Variants in SLC35A3 observed in about 807,000 individuals in gnomAD.
SLC35A3 encodes UDP-N-acetylglucosamine transporter.
In SLC35A3, 26 loss-of-function variants were observed where a neutral mutation model predicts 39.0. The observed-to-expected ratio is 0.67, with a 90% CI of 0.49 to 0.92. SLC35A3 has a LOEUF of 0.92. Ranked by LOEUF, SLC35A3 falls within the 40% of genes least tolerant of loss-of-function variation. The pLI is 0.00. For synonymous variants in SLC35A3, 135 were observed against 133.1 expected, an observed-to-expected ratio of 1.01 and a Z score of -0.10; for missense variants, 299 against 371.6, an observed-to-expected ratio of 0.80 and a Z score of 1.61.
At chr1:99,989,875 C>T (rs991355396) in intron 1 of SLC35A3, among the ~76,000 whole-genome samples, 1 of 152,126 alleles carries the variant, frequency 6.6e-6, no homozygotes, top group Admixed American at 6.5e-5. Context: ...AATTGATCCT[C>T]CTGCCTCAGC....
rs574333514 is a variant in SLC35A3, at chr1:100,007,039, G to C, written c.348G>C (p.Thr116=). Reference sequence around the variant, plus strand: ...ATTACTGTTTTCTTTTTCAGGTCACGTATCAGTTAAAAATTCTTACAACAG... The same window carrying C: ...ATTACTGTTTTCTTTTTCAGGTCACCTATCAGTTAAAAATTCTTACAACAG... ...SNLDAATYQV[T]YQLKILTTAL... is the part of the protein sequence containing the mutation. Residue 116 remains threonine, a synonymous_variant, in exon 4 of 8, where the codon ACG becomes ACC. Transcript: ENST00000533028. 2 of 1,604,276 alleles carry C rather than the reference G, an allele frequency of 1.2e-6. No homozygotes were observed. The highest frequency in any genetic ancestry group is 1.1e-5 in the South Asian group (1 of 88,372).
At chr1:99,970,529 A>G (rs774843009) in intron 1 of SLC35A3, 88 of 1,533,932 alleles carry the variant, frequency 5.7e-5, no homozygotes, top group Non-Finnish European at 7.1e-5. Flanking sequence ...TCCTTCAGTG[A>G]ACATCCCATG....
chr1:99,992,756 A>G (rs1658162498), intron 1 of SLC35A3, among the ~76,000 whole-genome samples: 2 of 151,174 alleles, frequency 1.3e-5, no homozygotes, highest in South Asian at 4.2e-4. Context: ...TTGGTATAAT[A>G]AATATACTTA....
At chr1:100,010,553 T>G (rs1342246438) in intron 4 of SLC35A3, among the ~76,000 whole-genome samples, 1 of 151,800 alleles carries the variant, frequency 6.6e-6, no homozygotes, top group Non-Finnish European at 1.5e-5. Context: ...ATTAGCTGGG[T>G]GTGGTTGTGT....
chr1:100,006,443 A>G (rs746731814), intron 3 of SLC35A3, among the ~76,000 whole-genome samples: 2 of 152,094 alleles, frequency 1.3e-5, no homozygotes, highest in Non-Finnish European at 2.9e-5. Flanking sequence ...TTGGTTCCCC[A>G]AGCAGTGTAC....
chr1:100,003,620 C>T (rs1658991302), intron 3 of SLC35A3, among the ~76,000 whole-genome samples: 1 of 152,038 alleles, frequency 6.6e-6, no homozygotes, highest in Admixed American at 6.6e-5. Context: ...TTGTGAATGT[C>T]TGGGAGTTCC....
At chr1:99,981,078 T>G (rs1487471734) in intron 1 of SLC35A3, among the ~76,000 whole-genome samples, 2 of 152,216 alleles carry the variant, frequency 1.3e-5, no homozygotes, top group Non-Finnish European at 2.9e-5. Context: ...TAGGTTATAG[T>G]TTTAAAGTTT....
intron 3 of SLC35A3, among the ~76,000 whole-genome samples, chr1:100,005,056 C>T (rs1659120647): frequency 6.6e-6 from 1 of 152,202 alleles, no homozygotes; most frequent in Non-Finnish European, 1.5e-5. Context: ...CACGCCCAGC[C>T]TGCATTCATT....
intron 1 of SLC35A3, among the ~76,000 whole-genome samples, chr1:99,991,562 T>A (rs1658086043): frequency 6.6e-6 from 1 of 152,236 alleles, no homozygotes; most frequent in South Asian, 2.1e-4. Flanking sequence ...TATTTCCATA[T>A]GATTTTAAAA....
chr1:99,994,653 T>C (rs1658279123), intron 2 of SLC35A3, among the ~76,000 whole-genome samples: 1 of 152,220 alleles, frequency 6.6e-6, no homozygotes, highest in African/African-American at 2.4e-5. Flanking sequence ...CATTCTATTG[T>C]ATGGACGTAA....
chr1:99,988,475 A>G (rs1657877751), intron 1 of SLC35A3, among the ~76,000 whole-genome samples: 1 of 152,170 alleles, frequency 6.6e-6, no homozygotes, highest in South Asian at 2.1e-4. Flanking sequence ...TTACAAATAA[A>G]TCTCTTATAA....
intron 6 of SLC35A3, among the ~76,000 whole-genome samples, chr1:100,016,134 G>C (rs1353273034): frequency 1.4e-5 from 2 of 144,458 alleles, no homozygotes; most frequent in African/African-American, 2.6e-5. Flanking sequence ...GTACGATCTC[G>C]TCTCACTGTA....
At chr1:99,999,725 C>T (rs1338332299) in intron 3 of SLC35A3, among the ~76,000 whole-genome samples, 2 of 152,022 alleles carry the variant, frequency 1.3e-5, no homozygotes, top group Non-Finnish European at 2.9e-5. Context: ...ACCAATCTTT[C>T]TTTATTCCTC....
rs150949381 is a variant in SLC35A3, at chr1:99,995,856, G to C, written c.187+2115G>C. ...ATTTAGATATCAGATTCCACAGAAG[G>C]AATCAGCAAAAGAAGACAGAAGCAA... On this transcript the variant is annotated intron_variant, in intron 2 of 7. Transcript: ENST00000533028. Among the ~76,000 whole-genome samples the C allele has an allele frequency of 9.1e-4, 139 of 152,316 alleles. 5 individuals are homozygous for C. The East Asian group carries it at 0.025, about 27-fold the overall frequency.
At chr1:100,003,106 T>C (rs765798149) in intron 3 of SLC35A3, among the ~76,000 whole-genome samples, 12 of 152,010 alleles carry the variant, frequency 7.9e-5, no homozygotes, top group Non-Finnish European at 1.2e-4. Context: ...TGTGTTTCAA[T>C]TTATATTTGT....
At chr1:99,974,220 T>C (rs772508174) in intron 1 of SLC35A3, among the ~76,000 whole-genome samples, 57 of 152,208 alleles carry the variant, frequency 3.7e-4, no homozygotes, top group Non-Finnish European at 2.8e-4. Context: ...TAGTATTTTC[T>C]ATCATGAGTA....
rs1660993433 is a variant in SLC35A3 at position 100,027,643 on chromosome 1, C to T, written c.*5167C>T. On this transcript the variant is annotated 3_prime_UTR_variant, in exon 8 of 8. Transcript: ENST00000533028. The stretch of plus-strand genomic sequence containing the variant: ...CTTCATAATTTGAATATAATTGCTT[C>T]CATTGTGACTGTCAATTGAATGCAT... 2 of 152,578 alleles carry T rather than the reference C, an allele frequency of 1.3e-5. No homozygotes were observed. Among genetic ancestry groups the T allele is most frequent in the African/African-American group, 4.8e-5 (2 of 41,434 alleles). 9.5% of individuals were successfully genotyped at this position (152,578 alleles called of 1,614,324 possible).
chr1:100,016,615 C>T (rs1418549344), intron 6 of SLC35A3, among the ~76,000 whole-genome samples: 4 of 151,896 alleles, frequency 2.6e-5, no homozygotes, highest in Admixed American at 6.6e-5. Flanking sequence ...CCTTGTGATC[C>T]GCCCACCTCG....
Position 100,023,543 on chromosome 1 carries a change from T to C in SLC35A3, c.*1067T>C, listed in dbSNP as rs1351472487. On this transcript the variant is annotated 3_prime_UTR_variant, in exon 8 of 8. Coordinates refer to ENST00000533028, the MANE Select transcript of SLC35A3 (RefSeq NM_012243.3). Reference sequence around the variant, plus strand: ...ATGTCAGTGACAGAACAAAATGACTTTTCTTGGAGACATTCCAGATTGCCA... The same window carrying C: ...ATGTCAGTGACAGAACAAAATGACTCTTCTTGGAGACATTCCAGATTGCCA... 1 of 152,230 alleles carries C rather than the reference T, an allele frequency of 6.6e-6. No individual in the cohort carries two copies. The highest frequency in any genetic ancestry group is 2.4e-5 in the African/African-American group (1 of 41,464). 9.4% of individuals were successfully genotyped at this position (152,230 alleles called of 1,614,324 possible). A position where few individuals can be genotyped will look rare whatever the true frequency, so the allele number is the denominator to read the frequency against.
Sources: gnomAD v4.1 joint callset for allele counts (sites outside exome capture counted in the v4.1 genomes callset) on GRCh38, gnomAD v4.1.1 for gene constraint, MANE v1.5 for transcripts, NCBI Gene and HGNC (gene_info 2026-07-23, HGNC 2026-07-21) for gene names.